Variants in DACH2 observed in about 807,000 individuals in gnomAD.
DACH2 encodes the protein dachshund family transcription factor 2.
DACH2 carries 17 observed loss-of-function variants against 35.8 expected under a neutral mutation model. That is an observed-to-expected ratio of 0.48 (90% CI 0.33 to 0.71). The LOEUF is 0.71. Ranked by LOEUF, DACH2 falls within the 30% of genes least tolerant of loss-of-function variation. The pLI, the probability that DACH2 is intolerant of heterozygous loss-of-function variation, is 0.02. For missense variants in DACH2, 469 were observed against 472.7 expected (o/e 0.99, Z 0.07); for synonymous variants, 195 against 177.3 (o/e 1.10, Z -0.79).
At chrX:86,570,481 T>C (rs1470530044) in intron 3 of DACH2, among the ~76,000 whole-genome samples, 1 of 111,346 alleles carries the variant, frequency 9.0e-6, no homozygotes, top group Non-Finnish European at 1.9e-5. Flanking sequence ...TGCAAACTAA[T>C]GCAGGAACGG....
chrX:86,572,269 T>C (rs1051182574), intron 3 of DACH2, among the ~76,000 whole-genome samples: 12 of 111,359 alleles, frequency 1.1e-4, no homozygotes, highest in African/African-American at 3.3e-4. Context: ...ATTCTTACCA[T>C]ACTATGCCAA....
At chrX:86,399,404 G>A (rs1370380317) in intron 2 of DACH2, among the ~76,000 whole-genome samples, 2 of 111,747 alleles carry the variant, frequency 1.8e-5, no homozygotes, top group Non-Finnish European at 3.8e-5. Context: ...ACTGTTATGT[G>A]TGAATTTGAT....
intron 7 of DACH2, among the ~76,000 whole-genome samples, chrX:86,742,975 T>G (rs944234204): frequency 9.0e-6 from 1 of 111,528 alleles, no homozygotes; most frequent in Non-Finnish European, 1.9e-5. Context: ...TAAGCCCTCT[T>G]ACTATGCCAG....
At chrX:86,237,393 T>C (rs1246759113) in intron 1 of DACH2, among the ~76,000 whole-genome samples, 1 of 111,990 alleles carries the variant, frequency 8.9e-6, no homozygotes, top group Middle Eastern at 4.2e-3. Context: ...ATTGTATGTG[T>C]TATACTTTTT....
intron 3 of DACH2, among the ~76,000 whole-genome samples, chrX:86,618,594 G>A (rs1204858051): frequency 8.9e-6 from 1 of 112,007 alleles, no homozygotes; most frequent in East Asian, 2.8e-4. Context: ...TACATAAAAT[G>A]TGAATCTATA....
intron 1 of DACH2, among the ~76,000 whole-genome samples, chrX:86,178,270 G>A (rs1431555150): frequency 1.8e-5 from 2 of 111,522 alleles, no homozygotes; most frequent in Non-Finnish European, 3.8e-5. Context: ...CTCATGGTGC[G>A]TGGTTGATCC....
At chrX:86,776,373 G>A (rs1202572757) in intron 7 of DACH2, among the ~76,000 whole-genome samples, 1 of 111,129 alleles carries the variant, frequency 9.0e-6, no homozygotes, top group Admixed American at 9.6e-5. Context: ...ACTTCCCAAA[G>A]GCCCCACCTC....
chrX:86,687,718 A>C (rs769538307), intron 4 of DACH2, among the ~76,000 whole-genome samples: 47 of 111,826 alleles, frequency 4.2e-4, no homozygotes, highest in African/African-American at 1.5e-3. Flanking sequence ...AGCCATAAAA[A>C]GGGATGAGTT....
chrX:86,411,200 T>C (rs2036609322), intron 2 of DACH2, among the ~76,000 whole-genome samples: 1 of 105,849 alleles, frequency 9.4e-6, no homozygotes, highest in Non-Finnish European at 1.9e-5. Context: ...CAGCACAGCA[T>C]GGAAGAAAGA....
chrX:86,204,633 G>A lies in DACH2; in HGVS notation c.488+55525G>A, dbSNP rs149690450. Among the ~76,000 whole-genome samples, 350 of 111,897 alleles carry A rather than the reference G, an allele frequency of 3.1e-3. 1 individual carries two copies. Among genetic ancestry groups the A allele is most frequent in the African/African-American group, 0.011 (336 of 30,829 alleles). On this transcript the variant is annotated intron_variant, in intron 1 of 11. Transcript: ENST00000373125. ...TGCAATTTAGGAAAAGTGGTAAATC[G>A]ATGTTCAGGGGATGACTATGAAATT...
intron 2 of DACH2, among the ~76,000 whole-genome samples, chrX:86,451,020 G>A (rs1162960483): frequency 9.0e-6 from 1 of 111,379 alleles, no homozygotes; most frequent in Non-Finnish European, 1.9e-5. Context: ...TCTGTAGATT[G>A]TCTGTTCACT....
intron 7 of DACH2, among the ~76,000 whole-genome samples, chrX:86,744,713 T>C (rs965489580): frequency 6.3e-5 from 7 of 111,724 alleles, no homozygotes; most frequent in African/African-American, 2.3e-4. Context: ...ATTTTGACTA[T>C]GCCTAATATT....
chrX:86,445,854 T>G (rs1342436803), intron 2 of DACH2, among the ~76,000 whole-genome samples: 4 of 111,416 alleles, frequency 3.6e-5, no homozygotes, highest in Non-Finnish European at 7.5e-5. Context: ...TGTATAAATT[T>G]CATTTAGGTC....
chrX:86,312,727 C>G (rs1248582964), intron 1 of DACH2, among the ~76,000 whole-genome samples: 2 of 111,883 alleles, frequency 1.8e-5, no homozygotes, highest in African/African-American at 6.5e-5. Context: ...ATATTGGACT[C>G]CAATTTCTTC....
chrX:86,379,860 C>A (rs1041677590), intron 2 of DACH2, among the ~76,000 whole-genome samples: 2 of 110,663 alleles, frequency 1.8e-5, no homozygotes, highest in Admixed American at 1.9e-4. Context: ...CAGTGCTGCC[C>A]TTTCCAGATC....
chrX:86,409,192 A>C (rs2036571622), intron 2 of DACH2, among the ~76,000 whole-genome samples: 1 of 111,536 alleles, frequency 9.0e-6, no homozygotes, highest in Non-Finnish European at 1.9e-5. Context: ...TTATTTTTGC[A>C]GACCATCACA....
intron 2 of DACH2, among the ~76,000 whole-genome samples, chrX:86,442,296 C>A (rs1323158296): frequency 1.0e-5 from 1 of 98,375 alleles, no homozygotes; most frequent in Non-Finnish European, 2.0e-5. Flanking sequence ...GTTGGCCATT[C>A]TTGTGTCTTC....
intron 3 of DACH2, among the ~76,000 whole-genome samples, chrX:86,632,972 C>T (rs1417908981): frequency 9.2e-6 from 1 of 108,941 alleles, no homozygotes; most frequent in Non-Finnish European, 1.9e-5. Context: ...AGTTAAATTC[C>T]TACATCAAAA....
chrX:86,344,068 G>T (rs2148064015), intron 1 of DACH2, among the ~76,000 whole-genome samples: 1 of 110,328 alleles, frequency 9.1e-6, no homozygotes, highest in South Asian at 3.9e-4. Flanking sequence ...GGTGTAATTG[G>T]ATTGTTTGTA....
Sources: allele counts gnomAD v4.1 joint callset (sites outside exome capture counted in the v4.1 genomes callset), GRCh38; gene constraint gnomAD v4.1.1; transcripts MANE v1.5; gene names NCBI Gene and HGNC (gene_info 2026-07-23, HGNC 2026-07-21).